The following NAV3 variants were observed in gnomAD, a reference collection of about 807,000 sequenced individuals.
The protein encoded by NAV3 is neuron navigator 3.
In NAV3, 87 loss-of-function variants were observed where a neutral mutation model predicts 244.7. That is an observed-to-expected ratio of 0.36 (90% CI 0.30 to 0.42). NAV3 has a LOEUF of 0.42. Among genes scored for constraint, NAV3 ranks in the 20% least tolerant of loss-of-function variants. The pLI is 1.00. For synonymous variants in NAV3, 1,126 were observed against 1,042.2 expected (o/e 1.08, Z -1.55); for missense variants, 2,663 against 2,893.3 (o/e 0.92, Z 1.83).
chr12:77,647,027 A>G (rs1421155518), intron 2 of NAV3, among the ~76,000 whole-genome samples: 1 of 150,906 alleles, frequency 6.6e-6, no homozygotes, highest in East Asian at 2.0e-4. Context: ...GGACATACAC[A>G]CACACATATA....
rs1291934072 is a variant in NAV3, at chr12:78,056,511, C to A, written c.2517-2485C>A. On this transcript the variant is annotated intron_variant, in intron 11 of 39. Transcript: ENST00000397909. ...TGGGAGGCTGAGGCAGATAGATCAC[C>A]TTAAGTCAGGAGTTCGAGACCATCT... Among the ~76,000 whole-genome samples the A allele has an allele frequency of 2.6e-5, 4 of 152,238 alleles. No individual in the cohort carries two copies. The East Asian group carries it at 5.8e-4, about 22-fold the overall frequency.
chr12:77,629,644 G>A (rs1180658660), intron 2 of NAV3, among the ~76,000 whole-genome samples: 2 of 147,436 alleles, frequency 1.4e-5, no homozygotes, highest in Non-Finnish European at 2.9e-5. Flanking sequence ...CTGCAATGTG[G>A]CACCAACCTA....
chr12:78,110,693 A>ATT (rs1555290471), intron 12 of NAV3, among the ~76,000 whole-genome samples: 28 of 150,836 alleles, frequency 1.9e-4, no homozygotes, highest in African/African-American at 4.6e-4. Context: ...ATATATATAT[A>ATT]GTGTGTGTGT....
chr12:77,998,049 GT>G (rs1316204541), intron 6 of NAV3, among the ~76,000 whole-genome samples: 1 of 152,140 alleles, frequency 6.6e-6, no homozygotes, highest in Non-Finnish European at 1.5e-5. Flanking sequence ...TTAAGGCAAA[GT>G]TTTATTCATC....
chr12:77,979,506 G>C (rs1391871953), intron 5 of NAV3, among the ~76,000 whole-genome samples: 2 of 151,910 alleles, frequency 1.3e-5, no homozygotes, highest in Non-Finnish European at 2.9e-5. Flanking sequence ...GAGATAACTT[G>C]GTGAGCATGG....
intron 12 of NAV3, among the ~76,000 whole-genome samples, chr12:78,086,804 C>A (rs899695837): frequency 6.6e-6 from 1 of 152,032 alleles, no homozygotes; most frequent in Admixed American, 6.6e-5. Context: ...ATGATCACTT[C>A]TTTCAATCAT....
At chr12:78,180,729 A>T in intron 29 of NAV3, 142 bp from the exon 30 acceptor site, 1 of 698,588 alleles carries the variant, frequency 1.4e-6, no homozygotes, top group Non-Finnish European at 2.3e-6. Context: ...AGGAAATCCT[A>T]TTTCATATCT....
intron 1 of NAV3, among the ~76,000 whole-genome samples, chr12:77,845,345 G>A (rs1876438257): frequency 6.6e-6 from 1 of 152,110 alleles, no homozygotes; most frequent in South Asian, 2.1e-4. Context: ...AGGACCATGT[G>A]CTCTTGGACT....
At chr12:77,766,502 A>G (rs932969787) in intron 2 of NAV3, among the ~76,000 whole-genome samples, 1 of 152,192 alleles carries the variant, frequency 6.6e-6, no homozygotes, top group African/African-American at 2.4e-5. Context: ...TCTAATGTGG[A>G]TAATGGCCAA....
chr12:77,706,914 A>G (rs1176749791), intron 2 of NAV3, among the ~76,000 whole-genome samples: 1 of 142,680 alleles, frequency 7.0e-6, no homozygotes, highest in Non-Finnish European at 1.5e-5. Flanking sequence ...AAAAACTAGG[A>G]AAAAAAGCAT....
At chr12:77,910,990 G>C (rs1483678435) in intron 1 of NAV3, among the ~76,000 whole-genome samples, 1 of 152,120 alleles carries the variant, frequency 6.6e-6, no homozygotes, top group Non-Finnish European at 1.5e-5. Flanking sequence ...TTAAACTTTT[G>C]TATTTGAGAG....
intron 2 of NAV3, among the ~76,000 whole-genome samples, chr12:77,746,499 A>G (rs934789765): frequency 6.6e-6 from 1 of 152,144 alleles, no homozygotes; most frequent in African/African-American, 2.4e-5. Flanking sequence ...GCATATATGT[A>G]TGTGTATACT....
chr12:78,047,773 G>T (rs1161269469), intron 9 of NAV3, among the ~76,000 whole-genome samples: 1 of 152,152 alleles, frequency 6.6e-6, no homozygotes, highest in Non-Finnish European at 1.5e-5. Context: ...GGCTGGGCAA[G>T]TTCTCCTGGA....
At chr12:77,921,918 A>C (rs1887745400) in intron 1 of NAV3, among the ~76,000 whole-genome samples, 1 of 152,150 alleles carries the variant, frequency 6.6e-6, no homozygotes, top group African/African-American at 2.4e-5. Flanking sequence ...GTAATATAAC[A>C]ATGCCCATAT....
chr12:77,667,792 C>T (rs892177585), intron 2 of NAV3, among the ~76,000 whole-genome samples: 2 of 152,164 alleles, frequency 1.3e-5, no homozygotes, highest in African/African-American at 4.8e-5. Flanking sequence ...CCCTGTACAA[C>T]CACAGCTGAT....
intron 9 of NAV3, among the ~76,000 whole-genome samples, chr12:78,032,399 G>A (rs970010550): frequency 1.3e-5 from 2 of 152,156 alleles, no homozygotes; most frequent in Non-Finnish European, 2.9e-5. Context: ...ATTATGGTTT[G>A]AAGATAAATA....
intron 1 of NAV3, among the ~76,000 whole-genome samples, chr12:77,933,368 AATTAACAGCACTAGGTCAGAG>A (rs1445849369): frequency 6.6e-6 from 1 of 152,184 alleles, no homozygotes; most frequent in Non-Finnish European, 1.5e-5. Flanking sequence ...AGGGAGATAA[AATTAACAGCACTAGGTCAGAG>A]ATTGAAAGAG....
At chr12:77,589,227 T>C (rs959782156) in intron 2 of NAV3, among the ~76,000 whole-genome samples, 2 of 152,178 alleles carry the variant, frequency 1.3e-5, no homozygotes, top group African/African-American at 4.8e-5. Context: ...GCTCTGTGGA[T>C]TTTGTTCAGT....
intron 2 of NAV3, among the ~76,000 whole-genome samples, chr12:77,606,404 G>T (rs546059950): frequency 6.6e-6 from 1 of 152,084 alleles, no homozygotes; most frequent in South Asian, 2.1e-4. Context: ...GCTGATTTAG[G>T]TGCCACTATT....
Sources: gnomAD v4.1 joint callset for allele counts (sites outside exome capture counted in the v4.1 genomes callset) on GRCh38, gnomAD v4.1.1 for gene constraint, MANE v1.5 for transcripts, NCBI Gene and HGNC (gene_info 2026-07-23, HGNC 2026-07-21) for gene names.